The following KIF26B variants were observed in gnomAD, a reference collection of about 807,000 sequenced individuals.
KIF26B encodes kinesin-like protein KIF26B.
KIF26B carries 63 observed loss-of-function variants against 151.2 expected under a neutral mutation model. That is an observed-to-expected ratio of 0.42 (90% CI 0.34 to 0.51). KIF26B has a LOEUF of 0.51. Ranked by LOEUF, KIF26B falls within the 20% of genes least tolerant of loss-of-function variation. The probability of loss-of-function intolerance (pLI) is 0.07; values close to 1 mark genes in which losing one functional copy is unlikely to be tolerated. For missense variants in KIF26B, 2,813 were observed against 2,913.6 expected, an observed-to-expected ratio of 0.97 and a Z score of 0.79; for synonymous variants, 1,357 against 1,262.1, an observed-to-expected ratio of 1.08 and a Z score of -1.59.
At chr1:245,552,870 G>T (rs1661926421) in intron 5 of KIF26B, among the ~76,000 whole-genome samples, 1 of 152,178 alleles carries the variant, frequency 6.6e-6, no homozygotes, top group Admixed American at 6.5e-5. Context: ...AAAGTGTTGG[G>T]ATTCCGGGTG....
chr1:245,305,118 C>T (rs752269761), intron 2 of KIF26B, among the ~76,000 whole-genome samples: 11 of 152,190 alleles, frequency 7.2e-5, no homozygotes. Context: ...AATTAGGTTT[C>T]TGTTTTCTCT....
intron 4 of KIF26B, among the ~76,000 whole-genome samples, chr1:245,424,409 A>G (rs1332635552): frequency 6.6e-6 from 1 of 152,152 alleles, no homozygotes; most frequent in African/African-American, 2.4e-5. Context: ...TGGCCCCCCA[A>G]AGTGCTGAGT....
chr1:245,209,882 C>A (rs1026585499), intron 2 of KIF26B, among the ~76,000 whole-genome samples: 1 of 152,208 alleles, frequency 6.6e-6, no homozygotes, highest in East Asian at 1.9e-4. Flanking sequence ...GCGGGTGGCA[C>A]GCTCGGCGTG....
Position 245,518,053 on chromosome 1 carries a change from G to A in KIF26B, c.1167-22714G>A, listed in dbSNP as rs1354085644. On this transcript the variant is annotated intron_variant, in intron 4 of 14. Coordinates refer to ENST00000407071, the MANE Select transcript of KIF26B (RefSeq NM_018012.4). ...CAATCGGCTAATTTTTGTATTTTTAGTAGAGACGAGGGTTCACCATCTTGG... is the reference window on the plus strand; with the variant it reads ...CAATCGGCTAATTTTTGTATTTTTAATAGAGACGAGGGTTCACCATCTTGG... Among the ~76,000 whole-genome samples, 4 of 152,054 alleles carry A rather than the reference G, an allele frequency of 2.6e-5. No individual in the cohort carries two copies. In the East Asian group the frequency reaches 7.7e-4, roughly 29 times the overall value.
chr1:245,492,368 C>T (rs1284520711), intron 4 of KIF26B, among the ~76,000 whole-genome samples: 3 of 152,188 alleles, frequency 2.0e-5, no homozygotes, highest in Non-Finnish European at 4.4e-5. Flanking sequence ...TATAAGCTTT[C>T]TTCTGATGGG....
intron 9 of KIF26B, among the ~76,000 whole-genome samples, chr1:245,619,603 CAAA>C (rs34022501): frequency 1.6e-4 from 18 of 110,768 alleles, no homozygotes; most frequent in South Asian, 3.0e-4. Context: ...GAAACTGTTT[CAAA>C]AAAAAAAAAA....
At chr1:245,377,668 T>TA (rs1290871461) in intron 3 of KIF26B, among the ~76,000 whole-genome samples, 1 of 151,996 alleles carries the variant, frequency 6.6e-6, no homozygotes, top group Non-Finnish European at 1.5e-5. Flanking sequence ...GATAGATAAA[T>TA]AAAAAGAAGA....
At chr1:245,195,707 G>A (rs753575433) in intron 2 of KIF26B, among the ~76,000 whole-genome samples, 5 of 152,142 alleles carry the variant, frequency 3.3e-5, no homozygotes, top group East Asian at 1.9e-4. Flanking sequence ...TTGTTTTTCC[G>A]CCAAACACCG....
rs4287216 is a variant in KIF26B, at chr1:245,495,416, G to A, written c.1167-45351G>A. On this transcript the variant is annotated intron_variant, in intron 4 of 14. Coordinates refer to ENST00000407071, the MANE Select transcript of KIF26B (RefSeq NM_018012.4). This position sits in a 1 kb window ranked among gnomAD's most constrained non-coding sequence, Gnocchi z 4.2. ...ACAAAGTGATGATTTTGGTATAGGT[G>A]TACAATGTGTACTGATCAAATCATG... Among the ~76,000 whole-genome samples the A allele has an allele frequency of 0.033, 5,041 of 152,296 alleles. 133 individuals are homozygous for A. The highest frequency in any genetic ancestry group is 0.05 in the Non-Finnish European group (3,384 of 68,010).
At chr1:245,493,906 C>G (rs1043161192) in intron 4 of KIF26B, among the ~76,000 whole-genome samples, 1 of 152,130 alleles carries the variant, frequency 6.6e-6, no homozygotes, top group Non-Finnish European at 1.5e-5. Flanking sequence ...CAGTCGTTGT[C>G]CCCTTTGAAG....
At chr1:245,694,899 G>A (rs1337821972) in intron 12 of KIF26B, among the ~76,000 whole-genome samples, 1 of 152,244 alleles carries the variant, frequency 6.6e-6, no homozygotes, top group East Asian at 1.9e-4. Flanking sequence ...CCAGGCTGAT[G>A]AGCAGGGAGG....
At chr1:245,662,371 T>C (rs368754812) in intron 10 of KIF26B, among the ~76,000 whole-genome samples, 1 of 112,316 alleles carries the variant, frequency 8.9e-6, no homozygotes, top group African/African-American at 3.4e-5. Flanking sequence ...CCCAGTGATA[T>C]ATACACACAC....
intron 5 of KIF26B, among the ~76,000 whole-genome samples, chr1:245,569,837 T>C (rs1277757484): frequency 1.5e-5 from 2 of 133,772 alleles, no homozygotes; most frequent in African/African-American, 6.0e-5. Context: ...TCCAATATAG[T>C]TCTTTTGTTG....
At chr1:245,362,285 T>C (rs2103006855) in intron 2 of KIF26B, among the ~76,000 whole-genome samples, 1 of 148,060 alleles carries the variant, frequency 6.8e-6, no homozygotes, top group Non-Finnish European at 1.5e-5. Context: ...TCCCAGCACG[T>C]TGGGAGGCCA....
At chr1:245,442,059 G>A (rs1238480694) in intron 4 of KIF26B, among the ~76,000 whole-genome samples, 1 of 152,190 alleles carries the variant, frequency 6.6e-6, no homozygotes, top group Non-Finnish European at 1.5e-5. Flanking sequence ...CACTTGCTAG[G>A]TGCCAGGCAC....
intron 4 of KIF26B, among the ~76,000 whole-genome samples, chr1:245,490,306 A>ATTT (rs57644744): frequency 1.2e-5 from 1 of 83,842 alleles, no homozygotes; most frequent in African/African-American, 4.8e-5. Flanking sequence ...TCTGTAGAAC[A>ATTT]TTTTTTTTTT....
intron 2 of KIF26B, among the ~76,000 whole-genome samples, chr1:245,346,033 A>G (rs1480074583): frequency 6.6e-6 from 1 of 150,932 alleles, no homozygotes; most frequent in Non-Finnish European, 1.5e-5. Context: ...CCTGGGTTCA[A>G]GCGATTCTCC....
chr1:245,470,010 G>C (rs1056242957), intron 4 of KIF26B, among the ~76,000 whole-genome samples: 2 of 151,946 alleles, frequency 1.3e-5, no homozygotes, highest in African/African-American at 4.8e-5. Flanking sequence ...CGGGAGTCTC[G>C]GGGGAGAAAT....
intron 9 of KIF26B, among the ~76,000 whole-genome samples, chr1:245,616,819 C>A (rs372876278): frequency 1.1e-4 from 17 of 152,266 alleles, no homozygotes; most frequent in African/African-American, 4.1e-4. Context: ...GCTAATGATA[C>A]GGAGATCGCA....
Sources: gnomAD v4.1 joint callset for allele counts (sites outside exome capture counted in the v4.1 genomes callset) on GRCh38, gnomAD v4.1.1 for gene constraint, Gnocchi (gnomAD v3.1) non-coding constraint, MANE v1.5 for transcripts, NCBI Gene and HGNC (gene_info 2026-07-23, HGNC 2026-07-21) for gene names.